The following DNASE2B variants were observed in gnomAD, a reference collection of about 807,000 sequenced individuals.
DNASE2B encodes the protein deoxyribonuclease 2 beta, also known as deoxyribonuclease-2-beta.
In DNASE2B, 43 loss-of-function variants were observed where a neutral mutation model predicts 46.0. That is an observed-to-expected ratio of 0.94 (90% confidence interval 0.73 to 1.21). The LOEUF (loss-of-function observed/expected upper bound fraction) is 1.21, where lower values mean the gene tolerates loss of function less well. Ranked by LOEUF, DNASE2B falls within the 50% of genes most tolerant of loss-of-function variation. The pLI, the probability that DNASE2B is intolerant of heterozygous loss-of-function variation, is 0.00. For synonymous variants in DNASE2B, 156 were observed against 152.5 expected (o/e 1.02, Z -0.17); for missense variants, 395 against 414.4 (o/e 0.95, Z 0.41).
In DNASE2B at chr1:84,404,697, C is replaced by T. The variant is rs141203442; in HGVS notation, c.303+2619C>T. ...CCAAAAGAACTTTAAAAGGCAGTTCCTTACTGGCAAGGTACCTTCTAACTT... is the reference window on the plus strand; with the variant it reads ...CCAAAAGAACTTTAAAAGGCAGTTCTTTACTGGCAAGGTACCTTCTAACTT... On this transcript the variant is annotated intron_variant, in intron 2 of 5. Coordinates refer to ENST00000370665, the MANE Select transcript of DNASE2B (RefSeq NM_021233.3). Among the ~76,000 whole-genome samples the T allele has an allele frequency of 3.0e-3, 450 of 152,322 alleles. 1 individual carries two copies. The highest frequency in any genetic ancestry group is 3.5e-3 in the Admixed American group (53 of 15,302).
intron 4 of DNASE2B, 55 bp downstream of exon 4, chr1:84,411,054 G>T: frequency 6.7e-7 from 1 of 1,502,542 alleles, no homozygotes; most frequent in South Asian, 1.2e-5. Flanking sequence ...GAAATGATTT[G>T]GAAATATATT....
At chr1:84,414,002 A>C (rs1680647198) in intron 5 of DNASE2B, among the ~76,000 whole-genome samples, 1 of 152,198 alleles carries the variant, frequency 6.6e-6, no homozygotes, top group South Asian at 2.1e-4. Flanking sequence ...GTTTATTGAC[A>C]CAGTTATTAT....
intron 3 of DNASE2B, among the ~76,000 whole-genome samples, chr1:84,408,880 T>C (rs1485412583): frequency 6.6e-6 from 1 of 151,912 alleles, no homozygotes; most frequent in Non-Finnish European, 1.5e-5. Flanking sequence ...GTAGTATATA[T>C]GTACAAACAC....
At chr1:84,401,424 A>C (rs925559168) in intron 1 of DNASE2B, among the ~76,000 whole-genome samples, 14 of 152,200 alleles carry the variant, frequency 9.2e-5, no homozygotes, top group African/African-American at 3.4e-4. Context: ...GGCCTACTTA[A>C]TTACTTGGTT....
chr1:84,410,145 A>G (rs3768253), intron 3 of DNASE2B, among the ~76,000 whole-genome samples: 80,724 of 152,020 alleles, frequency 0.53, 21,470 homozygotes, highest in East Asian at 0.61. Context: ...TCTAAACACA[A>G]AAATAGTCAG....
In DNASE2B at chr1:84,412,456, T is replaced by A; in HGVS notation, c.655T>A (p.Ser219Thr). Residue 219 changes from serine (S) to threonine (T), a missense_variant, in exon 5 of 6, where the codon TCA becomes ACA. By Grantham distance (58) the Ser-to-Thr change is moderately conservative. Transcript: ENST00000370665. ...MPQLCTRASS[S>T]EIPGRLLTTL... ...CCAGCTGTGCACCAGGGCCAGCTCA[T>A]CAGAGATTCCTGGCAGGCTCCTCAC... 1 of 1,613,928 alleles carries A rather than the reference T, an allele frequency of 6.2e-7. No homozygotes were observed. Among genetic ancestry groups the A allele is most frequent in the Non-Finnish European group, 8.5e-7 (1 of 1,179,908 alleles).
intron 3 of DNASE2B, among the ~76,000 whole-genome samples, chr1:84,409,839 G>A (rs1295469470): frequency 1.3e-5 from 2 of 152,172 alleles, no homozygotes. Context: ...GTACCAGGAG[G>A]ATAGGATTCC....
At chr1:84,408,816 TTATA>T (rs10556229) in intron 3 of DNASE2B, among the ~76,000 whole-genome samples, 79,031 of 149,140 alleles carry the variant, frequency 0.53, 20,806 homozygotes, top group East Asian at 0.61. Context: ...ACCAGCAATT[TTATA>T]TATATATATA....
At chr1:84,403,845 G>A (rs1680457867) in intron 2 of DNASE2B, among the ~76,000 whole-genome samples, 1 of 151,704 alleles carries the variant, frequency 6.6e-6, no homozygotes, top group Non-Finnish European at 1.5e-5. Context: ...GCAGTGCAGT[G>A]GCACCATAAG....
At position 84,410,989 on chromosome 1, in the gene DNASE2B, T is replaced by C. The variant is rs771308390; in HGVS notation, c.537T>C (p.Tyr179=). The change falls in exon 4 of 6, where the codon TAT becomes TAC. Residue 179 remains tyrosine, a synonymous_variant. Transcript: ENST00000370665. ...GICITFKYNQ[Y]EAIDSQLLVC... ...GCATAACTTTCAAGTACAACCAGTA[T>C]GAGGCAATAGGTAAAACTAAAGTAT... 1.9e-6 allele frequency: 3 copies of C among 1,608,428 alleles called. No homozygotes were observed. The highest frequency in any genetic ancestry group is 2.2e-5 in the East Asian group (1 of 44,706).
At chr1:84,411,506 G>A (rs1038473251) in intron 4 of DNASE2B, among the ~76,000 whole-genome samples, 1 of 150,718 alleles carries the variant, frequency 6.6e-6, no homozygotes. Flanking sequence ...GAGAGAGAGA[G>A]AAACTGATTT....
At chr1:84,405,506 ATCT>A (rs1054610651) in intron 2 of DNASE2B, among the ~76,000 whole-genome samples, 1 of 152,192 alleles carries the variant, frequency 6.6e-6, no homozygotes, top group Non-Finnish European at 1.5e-5. Context: ...GCAATTCAAC[ATCT>A]TCTTATAATG....
intron 1 of DNASE2B, among the ~76,000 whole-genome samples, chr1:84,399,523 C>G (rs1006415168): frequency 2.0e-5 from 3 of 152,126 alleles, no homozygotes; most frequent in African/African-American, 7.2e-5. Flanking sequence ...CACTGGGGAA[C>G]AGAGAGCCCA....
chr1:84,400,190 GAA>G (rs1680380569), intron 1 of DNASE2B, among the ~76,000 whole-genome samples: 1 of 152,112 alleles, frequency 6.6e-6, no homozygotes, highest in Non-Finnish European at 1.5e-5. Flanking sequence ...CCAACATGGA[GAA>G]ACCCCATCTT....
At chr1:84,403,115 T>C (rs1225566230) in intron 2 of DNASE2B, among the ~76,000 whole-genome samples, 1 of 152,214 alleles carries the variant, frequency 6.6e-6, no homozygotes, top group Non-Finnish European at 1.5e-5. Context: ...GCCAAGCACT[T>C]TTCTAGATGC....
chr1:84,398,809 GA>G lies in DNASE2B; in HGVS notation c.125+122del, dbSNP rs1680351322. ...CTCTTTCCTCCCTTTACAAATAAAG[GA>G]AGTTAAAGTGTGCAAATCGGCCAAA... On this transcript the variant is annotated intron_variant, in intron 1 of 5. Coordinates refer to ENST00000370665, the MANE Select transcript of DNASE2B (RefSeq NM_021233.3). 8.3e-6 allele frequency: 12 copies of G among 1,443,584 alleles called. No homozygotes were observed. The East Asian group carries it at 2.8e-4, about 34-fold the overall frequency. 89.4% of individuals were successfully genotyped at this position (1,443,584 alleles called of 1,614,324 possible). A position where few individuals can be genotyped will look rare whatever the true frequency, so the allele number is the denominator to read the frequency against.
intron 1 of DNASE2B, among the ~76,000 whole-genome samples, chr1:84,400,513 G>C (rs139390630): frequency 6.6e-6 from 1 of 152,172 alleles, no homozygotes; most frequent in Admixed American, 6.5e-5. Context: ...TCAAAAATAC[G>C]GAGTTGGGGG....
In DNASE2B at chr1:84,402,057, A is replaced by T; in HGVS notation, c.282A>T (p.Leu94=). The T allele has an allele frequency of 6.2e-7, 1 of 1,605,806 alleles. No individual in the cohort carries two copies. Among genetic ancestry groups the T allele is most frequent in the Non-Finnish European group, 8.5e-7 (1 of 1,177,608 alleles). The change falls in exon 2 of 6, where the codon CTA becomes CTT. Residue 94 remains leucine, a synonymous_variant. Transcript: ENST00000370665. ...KSVLGRTLQQ[L]YEAYASKSNN... Reference sequence around the variant, plus strand: ...TTTTGGGAAGGACATTACAACAGCTATATGAAGCATATGCCTCTAAGGTAT... The same window carrying T: ...TTTTGGGAAGGACATTACAACAGCTTTATGAAGCATATGCCTCTAAGGTAT...
chr1:84,414,245 C>T (rs981954415), intron 5 of DNASE2B, among the ~76,000 whole-genome samples: 1 of 152,148 alleles, frequency 6.6e-6, no homozygotes, highest in African/African-American at 2.4e-5. Flanking sequence ...TTCCAAAGGT[C>T]TTTCCAGGAC....
Sources: gnomAD v4.1 joint callset for allele counts (sites outside exome capture counted in the v4.1 genomes callset) on GRCh38, gnomAD v4.1.1 for gene constraint, MANE v1.5 for transcripts, NCBI Gene and HGNC (gene_info 2026-07-23, HGNC 2026-07-21) for gene names.